The following VPS50 variants were observed in gnomAD, a reference collection of about 807,000 sequenced individuals.
VPS50 encodes the protein syndetin.
VPS50 carries 70 observed loss-of-function variants against 139.7 expected under a neutral mutation model. That is an observed-to-expected ratio of 0.50 (90% CI 0.41 to 0.61). The LOEUF (loss-of-function observed/expected upper bound fraction) is 0.61, where lower values mean the gene tolerates loss of function less well. VPS50 is among the 20% of genes least tolerant of loss of function. The pLI, the probability that VPS50 is intolerant of heterozygous loss-of-function variation, is 0.00. For synonymous variants in VPS50, 365 were observed against 376.7 expected, an observed-to-expected ratio of 0.97 and a Z score of 0.36; for missense variants, 921 against 1,133.7, an observed-to-expected ratio of 0.81 and a Z score of 2.69.
chr7:93,349,130 T>C (rs929544226), intron 24 of VPS50, among the ~76,000 whole-genome samples: 1 of 152,092 alleles, frequency 6.6e-6, no homozygotes, highest in Non-Finnish European at 1.5e-5. Context: ...TGGGAGAAGG[T>C]CATCTAGAAA....
At chr7:93,301,763 A>G (rs542673796) in intron 16 of VPS50, among the ~76,000 whole-genome samples, 3 of 152,348 alleles carry the variant, frequency 2.0e-5, no homozygotes, top group Non-Finnish European at 4.4e-5. Flanking sequence ...TATAGCAGCC[A>G]TAGGAAACTA....
At chr7:93,249,246 T>C (rs2116809923) in intron 2 of VPS50, among the ~76,000 whole-genome samples, 1 of 152,228 alleles carries the variant, frequency 6.6e-6, no homozygotes, top group African/African-American at 2.4e-5. Flanking sequence ...ATTATGTTTT[T>C]TCTTTGGCAT....
intron 18 of VPS50, among the ~76,000 whole-genome samples, chr7:93,308,179 A>G (rs1797169568): frequency 6.6e-6 from 1 of 151,702 alleles, no homozygotes; most frequent in South Asian, 2.1e-4. Flanking sequence ...TGCTTCCTTT[A>G]CTGTGTGCAT....
chr7:93,285,203 G>T (rs1044804651), intron 12 of VPS50, among the ~76,000 whole-genome samples: 4 of 152,124 alleles, frequency 2.6e-5, no homozygotes, highest in African/African-American at 7.2e-5. Context: ...TGTGTTTTGG[G>T]GGGTGGAGGC....
rs1316776745 is a variant in VPS50, at chr7:93,356,076, A to C, written c.2771A>C (p.His924Pro). The change falls in exon 27 of 28, where the codon CAC becomes CCC. Residue 924 changes from histidine to proline, a missense_variant. His to Pro is a moderately conservative substitution (Grantham distance 77). This residue lies in a region of VPS50 where 158 missense variants were observed against 156.3 expected (regional missense o/e 1.01). Transcript: ENST00000305866. ...ENDMERWIKE[H>P]REYSTKQLTN... ...GACATGGAACGGTGGATCAAAGAGC[A>C]CAGGGTGAGAGCTGGAAAATAGTTA... The C allele has an allele frequency of 7.0e-7, 1 of 1,436,424 alleles. No individual in the cohort carries two copies. Among genetic ancestry groups the C allele is most frequent in the Non-Finnish European group, 9.4e-7 (1 of 1,064,696 alleles). The allele number at this position is 1,436,424 out of a possible 1,614,324, so 89.0% of individuals were successfully genotyped here.
rs764795984 is a variant in VPS50 at position 93,269,357 on chromosome 7, G to A, written c.660-1863G>A. ...TCTGATATTTCAGGCACAAATCCTG[G>A]TTAGAGATCTTAATTTTTCTAATAA... On this transcript the variant is annotated intron_variant, in intron 9 of 27. Coordinates refer to ENST00000305866, the MANE Select transcript of VPS50 (RefSeq NM_017667.4). Among the ~76,000 whole-genome samples the A allele has an allele frequency of 2.0e-5, 3 of 151,894 alleles. 1 individual carries two copies. The highest frequency in any genetic ancestry group is 4.4e-5 in the Non-Finnish European group (3 of 67,922).
chr7:93,297,278 T>C (rs1215463168), intron 16 of VPS50, 35 bp downstream of exon 16: 2 of 1,490,482 alleles, frequency 1.3e-6, no homozygotes, highest in Non-Finnish European at 8.9e-7. Context: ...TCGACTTATT[T>C]AGGTAATGAG....
Position 93,350,073 on chromosome 7 carries a change from A to G in VPS50, c.2463+40A>G, listed in dbSNP as rs768554748. ...AAGCACCTGTGCTAAAGATCAATCT[A>G]CTAAGAGAAGTGTTCCTTTATTGCA... On this transcript the variant is annotated intron_variant, in intron 25 of 27. Transcript: ENST00000305866. The G allele has an allele frequency of 2.7e-6, 4 of 1,461,670 alleles. No individual in the cohort carries two copies. In the South Asian group the frequency reaches 4.8e-5, roughly 18 times the overall value. 90.5% of individuals were successfully genotyped at this position (1,461,670 alleles called of 1,614,324 possible).
At chr7:93,338,952 A>C (rs1798138859) in intron 22 of VPS50, among the ~76,000 whole-genome samples, 1 of 152,124 alleles carries the variant, frequency 6.6e-6, no homozygotes, top group South Asian at 2.1e-4. Flanking sequence ...AACAAACAAG[A>C]GAGGTGTCTG....
intron 12 of VPS50, among the ~76,000 whole-genome samples, chr7:93,283,008 G>C (rs1260146279): frequency 1.3e-5 from 2 of 152,102 alleles, no homozygotes; most frequent in Non-Finnish European, 2.9e-5. Context: ...AGGTAGGTAA[G>C]GAAAGTTTAT....
intron 9 of VPS50, among the ~76,000 whole-genome samples, chr7:93,262,342 A>G (rs1279130385): frequency 6.6e-6 from 1 of 152,230 alleles, no homozygotes; most frequent in Non-Finnish European, 1.5e-5. Flanking sequence ...TGGGCTTTTA[A>G]AAATTGATAT....
At chr7:93,316,157 G>A (rs959412770) in intron 20 of VPS50, among the ~76,000 whole-genome samples, 1 of 152,168 alleles carries the variant, frequency 6.6e-6, no homozygotes, top group Non-Finnish European at 1.5e-5. Context: ...GAAAGAACAT[G>A]TGCAAGACAT....
At chr7:93,305,090 A>G (rs996700920) in intron 17 of VPS50, among the ~76,000 whole-genome samples, 5 of 151,930 alleles carry the variant, frequency 3.3e-5, no homozygotes, top group Admixed American at 3.3e-4. Flanking sequence ...AAATTTTGTG[A>G]TAAATCATTA....
intron 20 of VPS50, among the ~76,000 whole-genome samples, chr7:93,316,385 A>C (rs1268639624): frequency 6.6e-6 from 1 of 152,246 alleles, no homozygotes; most frequent in South Asian, 2.1e-4. Context: ...AAAAAGTGTA[A>C]ATAAGGGATT....
chr7:93,254,350 G>C (rs566248784), intron 4 of VPS50, among the ~76,000 whole-genome samples: 1 of 152,160 alleles, frequency 6.6e-6, no homozygotes, highest in Non-Finnish European at 1.5e-5. Context: ...GCTCACTGCA[G>C]CCTCTCCCTC....
At chr7:93,271,077 T>C (rs562454120) in intron 9 of VPS50, 143 bp from the exon 10 acceptor site, 7 of 1,286,862 alleles carry the variant, frequency 5.4e-6, no homozygotes, top group Non-Finnish European at 7.1e-6. Flanking sequence ...TTGCATTGTC[T>C]ATATGTAGAA....
intron 21 of VPS50, among the ~76,000 whole-genome samples, chr7:93,327,173 T>G (rs1797806621): frequency 6.6e-6 from 1 of 152,202 alleles, no homozygotes; most frequent in Non-Finnish European, 1.5e-5. Flanking sequence ...ACGTTCTATA[T>G]TAGCAATGTC....
intron 23 of VPS50, among the ~76,000 whole-genome samples, chr7:93,344,017 T>G (rs922076619): frequency 1.3e-5 from 2 of 152,098 alleles, no homozygotes; most frequent in African/African-American, 4.8e-5. Context: ...ATGCTCCAAT[T>G]AAAAGACACA....
intron 16 of VPS50, among the ~76,000 whole-genome samples, chr7:93,300,378 T>C (rs1796943005): frequency 6.6e-6 from 1 of 151,984 alleles, no homozygotes; most frequent in African/African-American, 2.4e-5. Flanking sequence ...TACCAAAACA[T>C]AACAAGAGGA....
Sources: allele counts gnomAD v4.1 joint callset (sites outside exome capture counted in the v4.1 genomes callset), GRCh38; gene constraint gnomAD v4.1.1; regional missense constraint gnomAD v4.1.1; transcripts MANE v1.5; gene names NCBI Gene and HGNC (gene_info 2026-07-23, HGNC 2026-07-21).